CFAP69: variants seen among roughly 807,000 people sequenced by gnomAD.
CFAP69 encodes cilia- and flagella-associated protein 69.
CFAP69 carries 92 observed loss-of-function variants against 123.0 expected under a neutral mutation model. The ratio of observed to expected loss-of-function variants is 0.75; its 90% CI spans 0.63 to 0.89. The LOEUF is 0.89. Among genes scored for constraint, CFAP69 ranks in the 40% least tolerant of loss-of-function variants. The pLI is 0.00. For missense variants in CFAP69, 1,067 were observed against 1,096.9 expected (o/e 0.97, Z 0.39); for synonymous variants, 380 against 364.3 (o/e 1.04, Z -0.49).
At chr7:90,264,100 AAAAAATATATATATATATATATATATAT>A (rs1380196751) in intron 4 of CFAP69, among the ~76,000 whole-genome samples, 2 of 33,062 alleles carry the variant, frequency 6.0e-5, no homozygotes, top group Non-Finnish European at 1.5e-4. Context: ...CGAAAAAAAA[AAAAAATATATATATATATATATATATAT>A]ATATATATAT....
At chr7:90,246,151 T>G (rs186693135) in intron 1 of CFAP69, among the ~76,000 whole-genome samples, 9 of 152,260 alleles carry the variant, frequency 5.9e-5, no homozygotes, top group Non-Finnish European at 1.0e-4. Flanking sequence ...TGTACTGTAT[T>G]TGGTTTTGGG....
In CFAP69 at chr7:90,301,381, T is replaced by C. The variant is rs372049557; in HGVS notation, c.2050+1322T>C. ...TACACATACAGGTTTGTTATATGGG[T>C]AAACTCATGTCACAAGGGTTTGTTG... On this transcript the variant is annotated intron_variant, in intron 17 of 22. Coordinates refer to ENST00000389297, the MANE Select transcript of CFAP69 (RefSeq NM_001039706.3). The C allele has an allele frequency of 5.3e-5, 8 of 152,302 alleles. No individual in the cohort carries two copies. In the East Asian group the frequency reaches 7.7e-4, roughly 15 times the overall value. The allele number at this position is 152,302 out of a possible 1,614,324, so 9.4% of individuals were successfully genotyped here.
chr7:90,288,205 A>G (rs987365183), intron 14 of CFAP69, 29 bp from the exon 15 acceptor site: 7 of 1,543,856 alleles, frequency 4.5e-6, no homozygotes, highest in Admixed American at 3.4e-5. Context: ...TTATTTCAAG[A>G]AATAATTTAA....
In CFAP69 at chr7:90,261,956, G is replaced by T; in HGVS notation, c.256G>T (p.Asp86Tyr). Residue 86 changes from aspartate to tyrosine, a missense_variant, in exon 4 of 23, where the codon GAT becomes TAT. Asp to Tyr is a radical substitution (Grantham distance 160). Transcript: ENST00000389297. ...ACTAAAAATATTAAAGCCATTAAGG[G>T]ATTTAGCACAGATATTTAAAATTCT... ...QCYQNGLPLR[D>Y]LAQIFKILNL... is the part of the protein sequence containing the mutation. 1 of 1,559,054 alleles carries T rather than the reference G, an allele frequency of 6.4e-7. No individual in the cohort carries two copies. The highest frequency in any genetic ancestry group is 8.7e-7 in the Non-Finnish European group (1 of 1,146,538).
intron 18 of CFAP69, 124 bp downstream of exon 18, chr7:90,304,230 C>T: frequency 7.2e-7 from 1 of 1,389,980 alleles, no homozygotes; most frequent in East Asian, 2.7e-5. Context: ...ATTCATTTTC[C>T]ATTGTTACCC....
rs750450335 is a variant in CFAP69, at chr7:90,279,817, T to C, written c.1296T>C (p.Pro432=). The C allele has an allele frequency of 3.7e-6, 6 of 1,613,264 alleles. No homozygotes were observed. In the Admixed American group the frequency reaches 1.0e-4, roughly 27 times the overall value. ...TTGCCACTTTGTCATCAGTGGCTCC[T>C]TTATTAATAGAAGAATACATGTCAT... The part of the protein sequence containing the change: ...HAIATLSSVA[P]LLIEEYMSCQ... The change falls in exon 12 of 23, where the codon CCT becomes CCC. Residue 432 remains proline (P), a synonymous_variant. Coordinates refer to ENST00000389297, the MANE Select transcript of CFAP69 (RefSeq NM_001039706.3).
the CFAP69 span, among the ~76,000 whole-genome samples, chr7:90,323,305 A>G: frequency 6.6e-6 from 1 of 152,204 alleles, no homozygotes. Context: ...GGTGATCAAG[A>G]AAGTGAAATC....
downstream of CFAP69, chr7:90,312,759 G>C (rs1260839027): frequency 6.6e-6 from 1 of 152,154 alleles, no homozygotes; most frequent in African/African-American, 2.4e-5. Flanking sequence ...ACCCGATCCT[G>C]CCGGCTGAGA....
At chr7:90,290,582 A>C (rs1226762199) in intron 15 of CFAP69, among the ~76,000 whole-genome samples, 2 of 152,138 alleles carry the variant, frequency 1.3e-5, no homozygotes, top group Non-Finnish European at 2.9e-5. Context: ...GTTTGCCCAA[A>C]TCTCTGGCCA....
At chr7:90,264,730 C>T (rs915439633) in intron 4 of CFAP69, among the ~76,000 whole-genome samples, 61 of 152,178 alleles carry the variant, frequency 4.0e-4, no homozygotes, top group African/African-American at 1.3e-3. Flanking sequence ...CTTTTACATC[C>T]ATTTCTTAAT....
intron 2 of CFAP69, among the ~76,000 whole-genome samples, chr7:90,256,366 C>T (rs1410239464): frequency 1.3e-5 from 2 of 151,884 alleles, no homozygotes; most frequent in African/African-American, 4.8e-5. Context: ...CGTCACATAC[C>T]AGGGCCTGTC....
At position 90,245,345 on chromosome 7, in the gene CFAP69, G is replaced by T; in HGVS notation, c.-80G>T. ...AGGCTGCCTTCCCTTCTCGGTGGCG[G>T]GGCCTCTTTGGGCCCAGCGGCTGCG... On this transcript the variant is annotated 5_prime_UTR_variant, in exon 1 of 23. Transcript: ENST00000389297. The T allele has an allele frequency of 7.0e-7, 1 of 1,435,582 alleles. No homozygotes were observed. The allele number at this position is 1,435,582 out of a possible 1,614,324, so 88.9% of individuals were successfully genotyped here.
At chr7:90,259,844 A>C (rs1798093839) in intron 3 of CFAP69, among the ~76,000 whole-genome samples, 1 of 152,150 alleles carries the variant, frequency 6.6e-6, no homozygotes, top group Non-Finnish European at 1.5e-5. Context: ...AGTATCCCAC[A>C]AATATTAGAT....
intron 3 of CFAP69, among the ~76,000 whole-genome samples, chr7:90,261,325 G>A (rs565577916): frequency 3.3e-5 from 5 of 152,106 alleles, no homozygotes; most frequent in Non-Finnish European, 7.4e-5. Context: ...CACCTGCCTC[G>A]GACTCCCAAA....
At chr7:90,287,505 C>G (rs1317764253) in intron 14 of CFAP69, 1 of 985,130 alleles carries the variant, frequency 1.0e-6, no homozygotes, top group Non-Finnish European at 1.2e-6. Context: ...TTTTTAGCTC[C>G]ATAGTGAACT....
chr7:90,250,012 G>A (rs1338191904), intron 1 of CFAP69, among the ~76,000 whole-genome samples: 1 of 152,100 alleles, frequency 6.6e-6, no homozygotes, highest in Non-Finnish European at 1.5e-5. Context: ...CATGAACTGT[G>A]TGCTTAAAAT....
At position 90,255,425 on chromosome 7, in the gene CFAP69, T is replaced by G. The variant is rs1405237243; in HGVS notation, c.123T>G (p.Asp41Glu). The G allele has an allele frequency of 6.2e-7, 1 of 1,611,864 alleles. No individual in the cohort carries two copies. Among genetic ancestry groups the G allele is most frequent in the East Asian group, 2.2e-5 (1 of 44,754 alleles). Residue 41 changes from aspartate to glutamate, a missense_variant and splice_region_variant, in exon 2 of 23, where the codon GAT becomes GAG. Transcript: ENST00000389297. Reference protein sequence around the residue: ...GVVTEDDEAQDVFKPMDLNRV... With the variant: ...GVVTEDDEAQEVFKPMDLNRV... ...AGTAAGAGTTGTATGTTTTTTAGGA[T>G]GTTTTCAAGCCTATGGACCTTAATC...
At chr7:90,297,430 G>T (rs1448380300) in intron 15 of CFAP69, among the ~76,000 whole-genome samples, 1 of 151,992 alleles carries the variant, frequency 6.6e-6, no homozygotes, top group South Asian at 2.1e-4. Flanking sequence ...GATATATCTT[G>T]CAAAAAAAGT....
intron 1 of CFAP69, among the ~76,000 whole-genome samples, chr7:90,246,504 AGAGTT>A (rs1562827362): frequency 6.6e-6 from 1 of 152,236 alleles, no homozygotes; most frequent in East Asian, 1.9e-4. Context: ...ACTGGGGAAT[AGAGTT>A]GAGCTCTCTG....
Sources: gnomAD v4.1 joint callset for allele counts (sites outside exome capture counted in the v4.1 genomes callset) on GRCh38, gnomAD v4.1.1 for gene constraint, MANE v1.5 for transcripts, NCBI Gene and HGNC (gene_info 2026-07-23, HGNC 2026-07-21) for gene names.